Variants in UNC5B observed in about 807,000 individuals in gnomAD.
UNC5B encodes unc-5 netrin receptor B.
A neutral mutation model predicts 103.7 loss-of-function variants in UNC5B; 56 were observed. The observed-to-expected ratio is 0.54, with a 90% confidence interval of 0.44 to 0.67. UNC5B has a LOEUF of 0.67. Ranked by LOEUF, UNC5B falls within the 30% of genes least tolerant of loss-of-function variation. UNC5B has a pLI of 0.00. For synonymous variants in UNC5B, 577 were observed against 542.0 expected (o/e 1.06, Z -0.90); for missense variants, 1,194 against 1,284.5 (o/e 0.93, Z 1.08).
intron 1 of UNC5B, among the ~76,000 whole-genome samples, chr10:71,218,959 T>A (rs541998094): frequency 3.2e-4 from 48 of 152,246 alleles, no homozygotes; most frequent in Non-Finnish European, 5.6e-4. Flanking sequence ...CATGCTGGAC[T>A]CCACTGTCGT....
At chr10:71,228,122 T>C (rs1843611361) in intron 1 of UNC5B, among the ~76,000 whole-genome samples, 1 of 152,204 alleles carries the variant, frequency 6.6e-6, no homozygotes, top group Admixed American at 6.6e-5. Context: ...ACAGACTTTT[T>C]AATAAATGGT....
chr10:71,239,408 A>G (rs1243400400), intron 1 of UNC5B, among the ~76,000 whole-genome samples: 4 of 151,498 alleles, frequency 2.6e-5, no homozygotes, highest in East Asian at 1.9e-4. Context: ...GAGGGTGGCC[A>G]TCGAGTTCGG....
chr10:71,245,498 G>A (rs1844009642), intron 1 of UNC5B, among the ~76,000 whole-genome samples: 1 of 152,166 alleles, frequency 6.6e-6, no homozygotes, highest in Non-Finnish European at 1.5e-5. Flanking sequence ...TCAGAGCTTG[G>A]GGTCTGAACT....
chr10:71,285,249 C>T, intron 3 of UNC5B, 77 bp from the exon 4 acceptor site: 4 of 1,414,394 alleles, frequency 2.8e-6, no homozygotes, highest in Non-Finnish European at 3.9e-6. Flanking sequence ...CACTGCCACC[C>T]AGTGGCTACA....
intron 11 of UNC5B, among the ~76,000 whole-genome samples, 172 bp from the exon 12 acceptor site, chr10:71,293,233 A>T (rs1845312025): frequency 6.6e-6 from 1 of 152,212 alleles, no homozygotes. Context: ...CTCAAGGTTC[A>T]TGCCATTTTC....
chr10:71,274,905 A>C (rs1844732979), intron 1 of UNC5B, among the ~76,000 whole-genome samples: 2 of 152,202 alleles, frequency 1.3e-5, no homozygotes, highest in Admixed American at 1.3e-4. Flanking sequence ...TCAACAGGAC[A>C]TTTTCACACA....
chr10:71,291,620 G>A lies in UNC5B; in HGVS notation c.1483G>A (p.Gly495Ser), dbSNP rs1845261226. The change falls in exon 10 of 17, where the codon GGC becomes AGC. Residue 495 changes from glycine (G) to serine (S), a missense_variant. Gly to Ser is a moderately conservative substitution (Grantham distance 56). Coordinates refer to ENST00000335350, the MANE Select transcript of UNC5B (RefSeq NM_170744.5). ...CTCCAGCACCACGGGCTCTGGGCCAGGCCTGGCAGATGGGGCTGACCTGCT... is the reference window on the plus strand; with the variant it reads ...CTCCAGCACCACGGGCTCTGGGCCAAGCCTGGCAGATGGGGCTGACCTGCT... ...YSSSTTGSGPGLADGADLLGV... is the reference protein window; with the variant it reads ...YSSSTTGSGPSLADGADLLGV... 1.2e-6 allele frequency: 2 copies of A among 1,614,074 alleles called. No individual in the cohort carries two copies. The highest frequency in any genetic ancestry group is 2.2e-5 in the East Asian group (1 of 44,874).
chr10:71,246,141 C>T (rs954129893), intron 1 of UNC5B, among the ~76,000 whole-genome samples: 1 of 152,118 alleles, frequency 6.6e-6, no homozygotes, highest in Admixed American at 6.5e-5. Flanking sequence ...GAAACCAGCC[C>T]CCAGTTCAGA....
chr10:71,263,709 A>ATTG (rs1310653788), intron 1 of UNC5B, among the ~76,000 whole-genome samples: 2 of 152,288 alleles, frequency 1.3e-5, no homozygotes, highest in Admixed American at 6.5e-5. Flanking sequence ...TGAAGCCTCT[A>ATTG]TTGTTTTGAA....
At chr10:71,284,113 C>T (rs969327684) in intron 2 of UNC5B, among the ~76,000 whole-genome samples, 2 of 152,190 alleles carry the variant, frequency 1.3e-5, no homozygotes, top group African/African-American at 2.4e-5. Flanking sequence ...GACGAACTTC[C>T]GGGCACAGTG....
intron 1 of UNC5B, among the ~76,000 whole-genome samples, chr10:71,240,143 G>A (rs1486079251): frequency 2.6e-5 from 4 of 151,330 alleles, no homozygotes; most frequent in South Asian, 4.2e-4. Context: ...AGGGAGTCCC[G>A]GAGATTATGA....
chr10:71,217,712 T>G (rs1366173220), intron 1 of UNC5B: 1 of 152,312 alleles, frequency 6.6e-6, no homozygotes, highest in Non-Finnish European at 1.5e-5. Flanking sequence ...CCACCCCTTT[T>G]GTTTCCTCTT....
rs960201579 is a variant in UNC5B at position 71,213,934 on chromosome 10, C to A, written c.79+870C>A. Among the ~76,000 whole-genome samples, 1 of 151,906 alleles carries A rather than the reference C, an allele frequency of 6.6e-6. No homozygotes were observed. The highest frequency in any genetic ancestry group is 2.4e-5 in the African/African-American group (1 of 41,338). On this transcript the variant is annotated intron_variant, in intron 1 of 16. Transcript: ENST00000335350. The surrounding 1 kb of genome is among the most constrained non-coding windows in gnomAD (Gnocchi z 4.1). The stretch of plus-strand genomic sequence containing the variant: ...GTGGGCTCCGAAATAAAGTCCCTAA[C>A]CCTCCTCTCTCGCCGTGGATGAATA...
At chr10:71,255,093 T>A (rs1174473849) in intron 1 of UNC5B, among the ~76,000 whole-genome samples, 1 of 152,252 alleles carries the variant, frequency 6.6e-6, no homozygotes, top group Non-Finnish European at 1.5e-5. Context: ...ATTCCATGAA[T>A]CTTTCTCGTA....
At position 71,291,052 on chromosome 10, in the gene UNC5B, T is replaced by C. The variant is rs1366609003; in HGVS notation, c.1237T>C (p.Ser413Pro). Residue 413 changes from serine (S) to proline (P), a missense_variant, in exon 9 of 17, where the codon TCA (serine) becomes CCA (proline). Ser to Pro is a moderately conservative substitution (Grantham distance 74). Coordinates refer to ENST00000335350, the MANE Select transcript of UNC5B (RefSeq NM_170744.5). ...CRDFDTDITD[S>P]SAALTGGFHP... ...TGACTTCGACACAGACATCACTGAC[T>C]CATCTGCTGCCCTGACTGGTGGTTT... is the stretch of plus-strand genomic sequence containing the variant. 5.6e-6 allele frequency: 9 copies of C among 1,614,136 alleles called. No individual in the cohort carries two copies. The highest frequency in any genetic ancestry group is 7.6e-6 in the Non-Finnish European group (9 of 1,180,012).
rs566832515 is a variant in UNC5B at position 71,279,943 on chromosome 10, C to G, written c.202C>G (p.Arg68Gly). ...TGTGAAGAACAAGCCTGTGGAGCTCCGCTGCCGCGCCTTCCCCGCCACACA... is the reference window on the plus strand; with the variant it reads ...TGTGAAGAACAAGCCTGTGGAGCTCGGCTGCCGCGCCTTCCCCGCCACACA... Reference protein sequence around the residue: ...YIVKNKPVELRCRAFPATQIY... With the variant: ...YIVKNKPVELGCRAFPATQIY... The change falls in exon 2 of 17, where the codon CGC becomes GGC. Residue 68 changes from arginine (R) to glycine (G), a missense_variant. Arg to Gly is a moderately radical substitution (Grantham distance 125). Transcript: ENST00000335350. 18 of 1,613,970 alleles carry G rather than the reference C, an allele frequency of 1.1e-5. No individual in the cohort carries two copies. In the South Asian group the frequency reaches 1.4e-4, roughly 13 times the overall value.
rs1452774544 is a variant in UNC5B at position 71,301,051 on chromosome 10, C to G, written c.*1774C>G. On this transcript the variant is annotated 3_prime_UTR_variant, in exon 17 of 17. Transcript: ENST00000335350. Reference sequence around the variant, plus strand: ...AAGGATCTTGCAGCCAGCACAGAGGCCTCTTCAAAGGCCTCTCCCTCTTGG... The same window carrying G: ...AAGGATCTTGCAGCCAGCACAGAGGGCTCTTCAAAGGCCTCTCCCTCTTGG... The G allele has an allele frequency of 6.6e-6, 1 of 152,398 alleles. No individual in the cohort carries two copies. The highest frequency in any genetic ancestry group is 1.5e-5 in the Non-Finnish European group (1 of 68,196). 9.4% of individuals were successfully genotyped at this position (152,398 alleles called of 1,614,324 possible). A position where few individuals can be genotyped will look rare whatever the true frequency, so the allele number is the denominator to read the frequency against.
At chr10:71,270,639 G>A (rs986630480) in intron 1 of UNC5B, among the ~76,000 whole-genome samples, 2 of 152,128 alleles carry the variant, frequency 1.3e-5, no homozygotes, top group African/African-American at 2.4e-5. Flanking sequence ...GGGGGTGGTC[G>A]TGCAGTGTGA....
chr10:71,284,712 C>A lies in UNC5B; in HGVS notation c.305-8C>A. 1 of 1,613,326 alleles carries A rather than the reference C, an allele frequency of 6.2e-7. No homozygotes were observed. Among genetic ancestry groups the A allele is most frequent in the Non-Finnish European group, 8.5e-7 (1 of 1,180,002 alleles). The stretch of plus-strand genomic sequence containing the variant: ...CTGCCCCCTGACGGCTCTCTCTTCT[C>A]CTCCCAGGCCTGCGGGTGCGCGAGG... On this transcript the variant is annotated splice_region_variant and splice_polypyrimidine_tract_variant and intron_variant, in intron 2 of 16. Coordinates refer to ENST00000335350, the MANE Select transcript of UNC5B (RefSeq NM_170744.5).
Sources: allele counts gnomAD v4.1 joint callset (sites outside exome capture counted in the v4.1 genomes callset), GRCh38; gene constraint gnomAD v4.1.1; non-coding constraint Gnocchi (gnomAD v3.1); transcripts MANE v1.5; gene names NCBI Gene and HGNC (gene_info 2026-07-23, HGNC 2026-07-21).